Variants in LRP1B observed in about 807,000 individuals in gnomAD.
LRP1B encodes the protein low-density lipoprotein receptor-related protein 1B.
LRP1B carries 217 observed loss-of-function variants against 556.6 expected under a neutral mutation model. The observed-to-expected ratio is 0.39, with a 90% CI of 0.35 to 0.44. LRP1B has a LOEUF of 0.44. LRP1B is among the 20% of genes least tolerant of loss of function. The probability of loss-of-function intolerance (pLI) is 1.00; values close to 1 mark genes in which losing one functional copy is unlikely to be tolerated. For synonymous variants in LRP1B, 2,047 were observed against 1,865.8 expected, an observed-to-expected ratio of 1.10 and a Z score of -2.50; for missense variants, 5,053 against 5,620.8, an observed-to-expected ratio of 0.90 and a Z score of 3.23.
At chr2:140,609,165 T>G (rs995160057) in intron 41 of LRP1B, among the ~76,000 whole-genome samples, 1 of 152,158 alleles carries the variant, frequency 6.6e-6, no homozygotes. Flanking sequence ...CCCTCAGGTA[T>G]GCTGTAATTC....
chr2:140,786,861 C>G (rs1025104546), intron 32 of LRP1B, among the ~76,000 whole-genome samples: 1 of 152,066 alleles, frequency 6.6e-6, no homozygotes, highest in South Asian at 2.1e-4. Context: ...CTGTTGCCAG[C>G]GAACTAGTTT....
At chr2:141,060,207 G>C (rs867701841) in intron 8 of LRP1B, among the ~76,000 whole-genome samples, 1 of 151,536 alleles carries the variant, frequency 6.6e-6, no homozygotes, top group African/African-American at 2.4e-5. Flanking sequence ...TATGAGACAC[G>C]ACTAAAAAAA....
At chr2:142,116,425 C>T (rs1707280184) in intron 1 of LRP1B, among the ~76,000 whole-genome samples, 1 of 151,862 alleles carries the variant, frequency 6.6e-6, no homozygotes, top group Non-Finnish European at 1.5e-5. Context: ...CTCAAATGAG[C>T]CCAGGTTATA....
intron 2 of LRP1B, among the ~76,000 whole-genome samples, chr2:141,566,851 T>G (rs751780140): frequency 6.6e-6 from 1 of 151,944 alleles, no homozygotes; most frequent in African/African-American, 2.4e-5. Context: ...AGACTGAGAC[T>G]CCCATCTCTT....
chr2:140,489,811 C>A (rs1688626045), intron 57 of LRP1B, among the ~76,000 whole-genome samples: 1 of 152,062 alleles, frequency 6.6e-6, no homozygotes, highest in Non-Finnish European at 1.5e-5. Context: ...CCACAATCCC[C>A]AGTCATGGCA....
chr2:141,081,119 C>T (rs551659982), intron 7 of LRP1B, among the ~76,000 whole-genome samples: 2 of 152,172 alleles, frequency 1.3e-5, no homozygotes, highest in African/African-American at 4.8e-5. Context: ...AGGCATGAAC[C>T]ACTGCACCCA....
chr2:141,505,536 G>GA (rs1683891864), intron 2 of LRP1B, among the ~76,000 whole-genome samples: 1 of 152,074 alleles, frequency 6.6e-6, no homozygotes, highest in East Asian at 1.9e-4. Context: ...TCTATGAATT[G>GA]AAAAATATTG....
At chr2:141,817,328 C>CT (rs1304391051) in intron 1 of LRP1B, among the ~76,000 whole-genome samples, 3 of 152,002 alleles carry the variant, frequency 2.0e-5, no homozygotes, top group Non-Finnish European at 4.4e-5. Context: ...CCATGTATAT[C>CT]TTTTTATAAT....
Position 141,234,059 on chromosome 2 carries a change from T to C in LRP1B, c.593-4619A>G, listed in dbSNP as rs139346376. On this transcript the variant is annotated intron_variant, in intron 5 of 90. Coordinates refer to ENST00000389484, the MANE Select transcript of LRP1B (RefSeq NM_018557.3). ...AAAACGTTGAATAATGACTTGCATA[T>C]AAAGTACATAAAATGGAGAGTCAGA... is the stretch of plus-strand genomic sequence containing the variant. Among the ~76,000 whole-genome samples, 383 of 152,210 alleles carry C rather than the reference T, an allele frequency of 2.5e-3. 2 individuals are homozygous for C. The Middle Eastern group carries it at 0.027, about 11-fold the overall frequency.
intron 2 of LRP1B, among the ~76,000 whole-genome samples, chr2:141,751,279 A>C (rs1402824387): frequency 6.6e-6 from 1 of 152,154 alleles, no homozygotes; most frequent in Non-Finnish European, 1.5e-5. Flanking sequence ...GAATTTAAAA[A>C]TTTCAGAAAA....
At chr2:141,788,217 G>A (rs564349541) in intron 2 of LRP1B, among the ~76,000 whole-genome samples, 18 of 152,074 alleles carry the variant, frequency 1.2e-4, no homozygotes, top group Non-Finnish European at 2.2e-4. Flanking sequence ...TAGGATTTGA[G>A]CTACACACCG....
intron 43 of LRP1B, among the ~76,000 whole-genome samples, chr2:140,569,381 G>A (rs967114132): frequency 2.0e-5 from 3 of 151,692 alleles, no homozygotes; most frequent in African/African-American, 7.2e-5. Flanking sequence ...GATATTCCAC[G>A]CAAACAAAAC....
chr2:140,555,224 G>GAAA (rs11419084), intron 43 of LRP1B, among the ~76,000 whole-genome samples: 1 of 144,792 alleles, frequency 6.9e-6, no homozygotes. Flanking sequence ...AGACGCTCAG[G>GAAA]AAAAAAAAAA....
At chr2:140,929,406 A>T (rs1423781173) in intron 20 of LRP1B, among the ~76,000 whole-genome samples, 1 of 152,090 alleles carries the variant, frequency 6.6e-6, no homozygotes, top group African/African-American at 2.4e-5. Context: ...TAAATGGAAC[A>T]AAAGATTTTC....
At chr2:140,823,619 A>C (rs939862229) in intron 31 of LRP1B, among the ~76,000 whole-genome samples, 3 of 152,080 alleles carry the variant, frequency 2.0e-5, no homozygotes, top group African/African-American at 4.8e-5. Flanking sequence ...TTACAATGAC[A>C]TGGACTACTT....
chr2:141,521,828 C>T (rs1466512990), intron 2 of LRP1B, among the ~76,000 whole-genome samples: 2 of 151,940 alleles, frequency 1.3e-5, no homozygotes, highest in Admixed American at 6.6e-5. Context: ...TAATCTAAGT[C>T]CAGGAATAGT....
At chr2:141,307,927 T>G (rs947222346) in intron 3 of LRP1B, among the ~76,000 whole-genome samples, 1 of 152,194 alleles carries the variant, frequency 6.6e-6, no homozygotes, top group Non-Finnish European at 1.5e-5. Flanking sequence ...ACTCTCTGGC[T>G]CCCAAGTGCT....
At chr2:140,532,936 A>ATATATATATATCTATATCTATATC (rs1690769445) in intron 47 of LRP1B, among the ~76,000 whole-genome samples, 2 of 112,252 alleles carry the variant, frequency 1.8e-5, no homozygotes, top group Admixed American at 8.4e-5. Context: ...CAAGATATAT[A>ATATATATATATCTATATCTATATC]TATATATATA....
chr2:140,951,565 C>A (rs989734046), intron 19 of LRP1B, among the ~76,000 whole-genome samples: 5 of 152,124 alleles, frequency 3.3e-5, no homozygotes, highest in African/African-American at 9.7e-5. Flanking sequence ...CCCGAGATGT[C>A]CAGGTTATTT....
Sources: allele counts gnomAD v4.1 joint callset (sites outside exome capture counted in the v4.1 genomes callset), GRCh38; gene constraint gnomAD v4.1.1; transcripts MANE v1.5; gene names NCBI Gene and HGNC (gene_info 2026-07-23, HGNC 2026-07-21).